ATP9A: variants seen among roughly 807,000 people sequenced by gnomAD.
The protein encoded by ATP9A is probable phospholipid-transporting ATPase IIA.
A neutral mutation model predicts 144.1 loss-of-function variants in ATP9A; 52 were observed. The ratio of observed to expected loss-of-function variants is 0.36; its 90% confidence interval spans 0.29 to 0.45. The LOEUF (loss-of-function observed/expected upper bound fraction) is 0.45. ATP9A is among the 20% of genes least tolerant of loss of function. The pLI is 1.00. For missense variants in ATP9A, 947 were observed against 1,392.7 expected, an observed-to-expected ratio of 0.68 and a Z score of 5.09; for synonymous variants, 582 against 557.4, an observed-to-expected ratio of 1.04 and a Z score of -0.62.
At chr20:51,628,908 C>T in intron 16 of ATP9A, 72 bp downstream of exon 16, 1 of 1,334,986 alleles carries the variant, frequency 7.5e-7, no homozygotes. Flanking sequence ...AGAGACCCAC[C>T]TTACCATGCA....
At chr20:51,761,945 C>A (rs946630402) in intron 1 of ATP9A, among the ~76,000 whole-genome samples, 2 of 152,126 alleles carry the variant, frequency 1.3e-5, no homozygotes, top group African/African-American at 4.8e-5. Flanking sequence ...CTTCTAGAGT[C>A]CCCCGCATTC....
chr20:51,659,898 A>AAAACTG (rs2077404071), intron 13 of ATP9A, among the ~76,000 whole-genome samples: 1 of 152,220 alleles, frequency 6.6e-6, no homozygotes, highest in Admixed American at 6.5e-5. Context: ...GGAGCACACG[A>AAAACTG]GTTTCACTTC....
chr20:51,653,712 G>A lies in ATP9A; in HGVS notation c.1506+3226C>T, dbSNP rs149968621. The stretch of plus-strand genomic sequence containing the variant: ...TGAGGCATGAGAATCGCTTGAACCC[G>A]GAAGGTGGAGGTTGCAGTGAGCCGA... On this transcript the variant is annotated intron_variant, in intron 14 of 27. Coordinates refer to ENST00000338821, the MANE Select transcript of ATP9A (RefSeq NM_006045.3). Among the ~76,000 whole-genome samples the A allele has an allele frequency of 1.3e-3, 198 of 152,034 alleles. 2 individuals carry two copies. In the East Asian group the frequency reaches 0.015, roughly 11 times the overall value.
intron 27 of ATP9A, among the ~76,000 whole-genome samples, chr20:51,602,710 CA>C (rs2077147902): frequency 6.6e-6 from 1 of 152,128 alleles, no homozygotes; most frequent in Non-Finnish European, 1.5e-5. Context: ...TGGAAGCTGG[CA>C]AAAGAGCCGC....
At chr20:51,652,890 C>T (rs1230995559) in intron 14 of ATP9A, among the ~76,000 whole-genome samples, 1 of 151,894 alleles carries the variant, frequency 6.6e-6, no homozygotes, top group Non-Finnish European at 1.5e-5. Context: ...GGGCGGATCA[C>T]GAGGTCAGGA....
intron 17 of ATP9A, among the ~76,000 whole-genome samples, 157 bp from the exon 18 acceptor site, chr20:51,625,519 C>T (rs1001891459): frequency 1.3e-5 from 2 of 152,172 alleles, no homozygotes; most frequent in Non-Finnish European, 2.9e-5. Flanking sequence ...CATAGGCTTC[C>T]AGCTTCCTCA....
intron 15 of ATP9A, 52 bp downstream of exon 15, chr20:51,639,291 C>G (rs1392316223): frequency 6.5e-7 from 1 of 1,545,432 alleles, no homozygotes; most frequent in African/African-American, 1.4e-5. Flanking sequence ...GGGACACACG[C>G]AGCACACCTG....
chr20:51,728,141 T>C (rs764421451), intron 2 of ATP9A, among the ~76,000 whole-genome samples: 17 of 152,038 alleles, frequency 1.1e-4, no homozygotes, highest in African/African-American at 2.2e-4. Context: ...CTAAGAACCA[T>C]TGGTGCCTCT....
intron 26 of ATP9A, among the ~76,000 whole-genome samples, chr20:51,606,034 C>T (rs2077162173): frequency 2.0e-5 from 3 of 152,160 alleles, no homozygotes; most frequent in Non-Finnish European, 1.5e-5. Context: ...CTTTGGGAGG[C>T]CAAGGTGGGC....
chr20:51,766,197 G>A (rs1354036882), intron 1 of ATP9A, among the ~76,000 whole-genome samples: 4 of 152,088 alleles, frequency 2.6e-5, no homozygotes, highest in African/African-American at 9.7e-5. Flanking sequence ...AATCATCAGG[G>A]GAGCTTATTA....
intron 2 of ATP9A, among the ~76,000 whole-genome samples, chr20:51,728,770 A>G (rs79265623): frequency 6.6e-6 from 1 of 151,826 alleles, no homozygotes; most frequent in African/African-American, 2.4e-5. Context: ...GGTCTCTTAA[A>G]AAACAAATTC....
Position 51,612,660 on chromosome 20 carries a change from G to A in ATP9A, c.2571+1017C>T, listed in dbSNP as rs6021320. ...GACTGGTCTTGAACTCCTGGCCTGA[G>A]GCGATCTGCCCACCTCGGCCTCCCA... On this transcript the variant is annotated intron_variant, in intron 23 of 27. Transcript: ENST00000338821. Among the ~76,000 whole-genome samples, 1,203 of 152,300 alleles carry A rather than the reference G, an allele frequency of 7.9e-3. 17 individuals carry two copies. The highest frequency in any genetic ancestry group is 0.028 in the African/African-American group (1,145 of 41,542).
intron 27 of ATP9A, among the ~76,000 whole-genome samples, chr20:51,604,538 A>C (rs1227602193): frequency 2.6e-5 from 4 of 152,214 alleles, no homozygotes; most frequent in African/African-American, 9.6e-5. Flanking sequence ...TTGTGGCCCA[A>C]AAAAGGTGAC....
intron 9 of ATP9A, among the ~76,000 whole-genome samples, chr20:51,687,538 A>G (rs1035278172): frequency 5.3e-5 from 8 of 152,158 alleles, no homozygotes; most frequent in African/African-American, 1.9e-4. Flanking sequence ...CTGAAGCAGA[A>G]GGATCACTTG....
intron 3 of ATP9A, among the ~76,000 whole-genome samples, chr20:51,718,624 C>G (rs1279287580): frequency 6.6e-6 from 1 of 150,862 alleles, no homozygotes; most frequent in Non-Finnish European, 1.5e-5. Context: ...TCGAGACCAG[C>G]CTGGCCAACA....
At chr20:51,763,651 A>G (rs932018897) in intron 1 of ATP9A, among the ~76,000 whole-genome samples, 1 of 152,152 alleles carries the variant, frequency 6.6e-6, no homozygotes, top group African/African-American at 2.4e-5. Context: ...TATATAAATT[A>G]TACTTCAATA....
chr20:51,699,711 C>T (rs893467585), intron 4 of ATP9A, among the ~76,000 whole-genome samples: 20 of 151,884 alleles, frequency 1.3e-4, no homozygotes, highest in African/African-American at 4.6e-4. Context: ...GGCATGATCT[C>T]GGCTCACTGC....
chr20:51,659,727 G>C (rs370384455), intron 13 of ATP9A, among the ~76,000 whole-genome samples: 4 of 152,332 alleles, frequency 2.6e-5, no homozygotes. Context: ...ATAGAGAACA[G>C]ATGGGTTACA....
intron 17 of ATP9A, 149 bp from the exon 18 acceptor site, chr20:51,625,511 T>C (rs547307519): frequency 4.1e-5 from 35 of 852,652 alleles, no homozygotes; most frequent in East Asian, 5.4e-5. Flanking sequence ...AGGGGTGACA[T>C]AGGCTTCCAG....
Sources: allele counts gnomAD v4.1 joint callset (sites outside exome capture counted in the v4.1 genomes callset), GRCh38; gene constraint gnomAD v4.1.1; transcripts MANE v1.5; gene names NCBI Gene and HGNC (gene_info 2026-07-23, HGNC 2026-07-21).